SH2D1A: variants seen among roughly 807,000 people sequenced by gnomAD.
The protein encoded by SH2D1A is SH2 domain containing 1A.
Under a neutral mutation model 10.1 loss-of-function variants are expected in SH2D1A, and 6 were observed. The ratio of observed to expected loss-of-function variants is 0.60; its 90% CI spans 0.33 to 1.18. The LOEUF (loss-of-function observed/expected upper bound fraction) is 1.18, where lower values mean the gene tolerates loss of function less well. Ranked by LOEUF, SH2D1A falls within the 50% of genes most tolerant of loss-of-function variation. The pLI, the probability that SH2D1A is intolerant of heterozygous loss-of-function variation, is 0.04. For missense variants in SH2D1A, 51 were observed against 97.6 expected (o/e 0.52, Z 2.01); for synonymous variants, 42 against 36.9 (o/e 1.14, Z -0.51).
At position 124,364,791 on chromosome X, in the gene SH2D1A, C is replaced by T. The variant is rs967940788; in HGVS notation, c.138-970C>T. Among the ~76,000 whole-genome samples the T allele has an allele frequency of 4.5e-5, 5 of 111,156 alleles. No individual in the cohort carries two copies. In the Admixed American group the frequency reaches 4.8e-4, roughly 11 times the overall value. On this transcript the variant is annotated intron_variant, in intron 1 of 3. Coordinates refer to ENST00000371139, the MANE Select transcript of SH2D1A (RefSeq NM_002351.5). ...ATATTTTAAAATAAATTTAGTGTAGCCTAAGTTTACAGTGTTCATAACATT... is the reference window on the plus strand; with the variant it reads ...ATATTTTAAAATAAATTTAGTGTAGTCTAAGTTTACAGTGTTCATAACATT...
chrX:124,366,614 T>A (rs1455300261), intron 2 of SH2D1A, among the ~76,000 whole-genome samples: 2 of 111,105 alleles, frequency 1.8e-5, no homozygotes, highest in African/African-American at 6.5e-5. Context: ...TACTGATTTA[T>A]CAGTAAGTTG....
At chrX:124,365,665 A>G (rs1471282685) in intron 1 of SH2D1A, 96 bp from the exon 2 acceptor site, 55 of 598,623 alleles carry the variant, frequency 9.2e-5, no homozygotes, top group Non-Finnish European at 2.9e-6. Flanking sequence ...CGTGTGTCCT[A>G]GTATATGTGA....
At position 124,372,996 on chromosome X, in the gene SH2D1A, C is replaced by T. The variant is rs78151217; in HGVS notation, c.*1605C>T. On this transcript the variant is annotated 3_prime_UTR_variant, in exon 4 of 4. Coordinates refer to ENST00000371139, the MANE Select transcript of SH2D1A (RefSeq NM_002351.5). Reference sequence around the variant, plus strand: ...TGGCTTGAGTTTAAATTGTAATAGGCGTAACTAATTTTAACTCTATAATGT... The same window carrying T: ...TGGCTTGAGTTTAAATTGTAATAGGTGTAACTAATTTTAACTCTATAATGT... 1.7e-4 allele frequency: 26 copies of T among 154,179 alleles called. No homozygotes were observed. In the East Asian group the frequency reaches 2.5e-3, roughly 15 times the overall value. The allele number at this position is 154,179 out of a possible 1,213,427, so 12.7% of individuals were successfully genotyped here.
At chrX:124,353,452 C>A (rs1288491462) in intron 1 of SH2D1A, among the ~76,000 whole-genome samples, 1 of 110,895 alleles carries the variant, frequency 9.0e-6, no homozygotes, top group Non-Finnish European at 1.9e-5. Flanking sequence ...TGTATTTATC[C>A]AGTGTACTGA....
At position 124,371,419 on chromosome X, in the gene SH2D1A, T is replaced by C. The variant is rs750980207; in HGVS notation, c.*28T>C. The C allele has an allele frequency of 4.0e-6, 4 of 992,253 alleles. No homozygotes were observed. Among genetic ancestry groups the C allele is most frequent in the Non-Finnish European group, 5.7e-6 (4 of 702,834 alleles). The allele number at this position is 992,253 out of a possible 1,213,427, so 81.8% of individuals were successfully genotyped here. A position where few individuals can be genotyped will look rare whatever the true frequency, so the allele number is the denominator to read the frequency against. ...AAAAATAAAACACCTTGTACTTTATTTTCTATAATTTAAATATATGCTAAG... is the reference window on the plus strand; with the variant it reads ...AAAAATAAAACACCTTGTACTTTATCTTCTATAATTTAAATATATGCTAAG... On this transcript the variant is annotated 3_prime_UTR_variant, in exon 4 of 4. Coordinates refer to ENST00000371139, the MANE Select transcript of SH2D1A (RefSeq NM_002351.5).
At chrX:124,359,176 G>A (rs2060033508) in intron 1 of SH2D1A, among the ~76,000 whole-genome samples, 1 of 111,444 alleles carries the variant, frequency 9.0e-6, no homozygotes, top group African/African-American at 3.3e-5. Context: ...GACTGAAGGA[G>A]GTACGAAGTT....
At chrX:124,351,602 T>G (rs1256223569) in intron 1 of SH2D1A, among the ~76,000 whole-genome samples, 1 of 110,908 alleles carries the variant, frequency 9.0e-6, no homozygotes, top group Non-Finnish European at 1.9e-5. Context: ...AATTTTCCCT[T>G]GACATTTGGC....
rs376872088 is a variant in SH2D1A at position 124,365,757 on chromosome X, A to G, written c.138-4A>G. On this transcript the variant is annotated splice_polypyrimidine_tract_variant and splice_region_variant and intron_variant, in intron 1 of 3. Coordinates refer to ENST00000371139, the MANE Select transcript of SH2D1A (RefSeq NM_002351.5). ...TTCAGTAATGGAAGTTTATTCTTTCACAGGTATCACGGTTACATTTATACA... is the reference window on the plus strand; with the variant it reads ...TTCAGTAATGGAAGTTTATTCTTTCGCAGGTATCACGGTTACATTTATACA... 14 of 1,128,230 alleles carry G rather than the reference A, an allele frequency of 1.2e-5. No individual in the cohort carries two copies. Among genetic ancestry groups the G allele is most frequent in the Non-Finnish European group, 1.5e-5 (12 of 820,796 alleles). The allele number at this position is 1,128,230 out of a possible 1,213,427, so 93.0% of individuals were successfully genotyped here.
intron 1 of SH2D1A, among the ~76,000 whole-genome samples, chrX:124,362,719 A>G (rs1282489545): frequency 9.0e-6 from 1 of 111,482 alleles, no homozygotes; most frequent in Non-Finnish European, 1.9e-5. Context: ...GAAGGACATG[A>G]GTTTTGGGGG....
Position 124,370,297 on chromosome X carries a change from C to T in SH2D1A, c.323C>T (p.Ala108Val), listed in dbSNP as rs1343327378. The T allele has an allele frequency of 2.5e-6, 3 of 1,205,571 alleles. No individual in the cohort carries two copies. Among genetic ancestry groups the T allele is most frequent in the Non-Finnish European group, 3.4e-6 (3 of 889,954 alleles). The change falls in exon 3 of 4, where the codon GCT becomes GTT. Residue 108 changes from alanine (A) to valine (V), a missense_variant. Ala to Val is a moderately conservative substitution (Grantham distance 64). Coordinates refer to ENST00000371139, the MANE Select transcript of SH2D1A (RefSeq NM_002351.5). ...LQYPVEKKSSARSTQGTTGIR... is the reference protein window; with the variant it reads ...LQYPVEKKSSVRSTQGTTGIR... ...TATCCAGTTGAGAAGAAGTCCTCAG[C>T]TAGAAGTACACAAGGTACTACAGGT...
At chrX:124,368,960 T>C (rs1425128421) in intron 2 of SH2D1A, among the ~76,000 whole-genome samples, 3 of 110,950 alleles carry the variant, frequency 2.7e-5, no homozygotes, top group African/African-American at 9.9e-5. Flanking sequence ...GAGAGTGGGG[T>C]GGAGCTGGGT....
At chrX:124,370,657 T>C (rs1311978167) in intron 3 of SH2D1A, among the ~76,000 whole-genome samples, 1 of 111,975 alleles carries the variant, frequency 8.9e-6, no homozygotes, top group Non-Finnish European at 1.9e-5. Context: ...ATGTGAAAGA[T>C]GGTATAATTC....
In SH2D1A at chrX:124,346,723, C is replaced by T; in HGVS notation, c.81C>T (p.Gly27=). The change falls in exon 1 of 4, where the codon GGC becomes GGT. Residue 27 remains glycine, a synonymous_variant. Transcript: ENST00000371139. ...EKLLLATGLD[G]SYLLRDSESV... ...TCCTGCTTGCCACTGGGCTGGATGG[C>T]AGCTATTTGCTGAGGGACAGCGAGA... The T allele has an allele frequency of 5.8e-6, 7 of 1,211,596 alleles. No homozygotes were observed. The highest frequency in any genetic ancestry group is 7.8e-6 in the Non-Finnish European group (7 of 895,231).
chrX:124,350,181 T>C (rs1423898709), intron 1 of SH2D1A, among the ~76,000 whole-genome samples: 1 of 66,808 alleles, frequency 1.5e-5, no homozygotes, highest in Non-Finnish European at 2.6e-5. Context: ...ATATCTAATA[T>C]ATATAATATA....
intron 1 of SH2D1A, among the ~76,000 whole-genome samples, chrX:124,364,848 C>T (rs186674466): frequency 1.2e-3 from 130 of 111,502 alleles, no homozygotes; most frequent in Middle Eastern, 9.2e-3. Context: ...CCTTCACATT[C>T]ACTCACCACT....
intron 2 of SH2D1A, among the ~76,000 whole-genome samples, chrX:124,368,941 G>T (rs183465955): frequency 9.0e-6 from 1 of 111,510 alleles, no homozygotes; most frequent in East Asian, 2.8e-4. Context: ...GAAGGTGGAG[G>T]GTAGGTGAGA....
intron 1 of SH2D1A, among the ~76,000 whole-genome samples, chrX:124,350,213 A>C (rs1449646875): frequency 5.7e-5 from 3 of 52,669 alleles, no homozygotes; most frequent in Non-Finnish European, 9.4e-5. Context: ...TATAAAATAT[A>C]TAATATATAA....
chrX:124,353,307 G>GTCT (rs1362137474), intron 1 of SH2D1A: 1 of 115,220 alleles, frequency 8.7e-6, no homozygotes, highest in African/African-American at 3.3e-5. Flanking sequence ...CTTTTTGTAT[G>GTCT]TCTTATACAT....
intron 1 of SH2D1A, among the ~76,000 whole-genome samples, chrX:124,351,796 G>GTA (rs1048709375): frequency 1.9e-3 from 203 of 109,190 alleles, no homozygotes; most frequent in African/African-American, 4.8e-3. Context: ...CACTCTATGT[G>GTA]TATATATATA....
Sources: gnomAD v4.1 joint callset for allele counts (sites outside exome capture counted in the v4.1 genomes callset) on GRCh38, gnomAD v4.1.1 for gene constraint, MANE v1.5 for transcripts, NCBI Gene and HGNC (gene_info 2026-07-23, HGNC 2026-07-21) for gene names.